The following KLF12 variants were observed in gnomAD, a reference collection of about 807,000 sequenced individuals.
KLF12 encodes the protein Krueppel-like factor 12.
KLF12 carries 9 observed loss-of-function variants against 37.8 expected under a neutral mutation model. The ratio of observed to expected loss-of-function variants is 0.24; its 90% CI spans 0.14 to 0.42. The LOEUF (loss-of-function observed/expected upper bound fraction) is 0.42, where lower values mean the gene tolerates loss of function less well. Among genes scored for constraint, KLF12 ranks in the 10% least tolerant of loss-of-function variants. KLF12 has a pLI of 1.00. For missense variants in KLF12, 411 were observed against 516.0 expected, an observed-to-expected ratio of 0.80 and a Z score of 1.97; for synonymous variants, 208 against 202.1, an observed-to-expected ratio of 1.03 and a Z score of -0.25.
the KLF12 span, among the ~76,000 whole-genome samples, chr13:74,175,232 G>C: frequency 6.6e-6 from 1 of 152,164 alleles, no homozygotes; most frequent in South Asian, 2.1e-4. Flanking sequence ...TGACCCCCAA[G>C]GGAGGCTGCA....
chr13:73,876,986 G>C (rs1168758482), intron 3 of KLF12, among the ~76,000 whole-genome samples: 1 of 151,064 alleles, frequency 6.6e-6, no homozygotes, highest in East Asian at 1.9e-4. Flanking sequence ...CTGCACTCTA[G>C]CCTGGGTGAG....
the KLF12 span, among the ~76,000 whole-genome samples, chr13:74,274,333 A>C: frequency 6.6e-6 from 1 of 152,106 alleles, no homozygotes; most frequent in Non-Finnish European, 1.5e-5. Context: ...CTCTGTCCTC[A>C]TCAACAAGAG....
At chr13:74,055,498 T>C (rs2091376689) in intron 1 of KLF12, among the ~76,000 whole-genome samples, 1 of 152,198 alleles carries the variant, frequency 6.6e-6, no homozygotes, top group Admixed American at 6.5e-5. Context: ...GTAGGTCTGA[T>C]CTCGTATCAC....
chr13:73,898,718 C>T (rs535332228), intron 3 of KLF12, among the ~76,000 whole-genome samples: 30 of 152,148 alleles, frequency 2.0e-4, no homozygotes, highest in South Asian at 6.2e-4. Context: ...AATGACAGTA[C>T]GCCCAAGAAA....
At chr13:74,248,133 C>T in the KLF12 span, among the ~76,000 whole-genome samples, 1 of 152,132 alleles carries the variant, frequency 6.6e-6, no homozygotes, top group Non-Finnish European at 1.5e-5. Flanking sequence ...ATATTGGGGA[C>T]TTTGCAACAG....
chr13:73,825,352 G>A (rs1340839920), intron 4 of KLF12, among the ~76,000 whole-genome samples: 1 of 152,122 alleles, frequency 6.6e-6, no homozygotes, highest in Non-Finnish European at 1.5e-5. Flanking sequence ...CTCCGGAAAT[G>A]ACTCTTGAAG....
chr13:73,858,023 A>G (rs1000760119), intron 3 of KLF12, among the ~76,000 whole-genome samples: 1 of 152,214 alleles, frequency 6.6e-6, no homozygotes, highest in Admixed American at 6.5e-5. Flanking sequence ...ATGGAAAAAA[A>G]TGTTCTGGAA....
chr13:74,052,372 AT>A (rs1872979989), intron 1 of KLF12, among the ~76,000 whole-genome samples: 1 of 152,142 alleles, frequency 6.6e-6, no homozygotes, highest in Non-Finnish European at 1.5e-5. Flanking sequence ...TGAGAATTAC[AT>A]TTTAAAATAA....
At chr13:73,816,811 A>G (rs1241655760) in intron 4 of KLF12, among the ~76,000 whole-genome samples, 1 of 152,218 alleles carries the variant, frequency 6.6e-6, no homozygotes, top group Non-Finnish European at 1.5e-5. Context: ...CAACTTGTGA[A>G]GAAGCCCGGG....
At chr13:74,171,554 T>C in the KLF12 span, among the ~76,000 whole-genome samples, 1 of 152,192 alleles carries the variant, frequency 6.6e-6, no homozygotes, top group Non-Finnish European at 1.5e-5. Flanking sequence ...CACCCGGTTC[T>C]CCCTGCAGCT....
At chr13:73,943,862 GAGAGAGAA>G (rs1398081406) in intron 3 of KLF12, 111 bp downstream of exon 3, 1 of 666,486 alleles carries the variant, frequency 1.5e-6, no homozygotes, top group African/African-American at 1.8e-5. Flanking sequence ...GTTTTAACCT[GAGAGAGAA>G]AAGCTTAAGC....
rs557254751 is a variant in KLF12, at chr13:73,813,864, A to G, written c.671-577T>C. The stretch of plus-strand genomic sequence containing the variant: ...AAGGCATAAAAATGGCAGAAGTGGT[A>G]GCATTTTAGAAATCTTGTTTATATG... On this transcript the variant is annotated intron_variant, in intron 4 of 7. Coordinates refer to ENST00000377669, the MANE Select transcript of KLF12 (RefSeq NM_007249.5). Among the ~76,000 whole-genome samples, 8 of 152,338 alleles carry G rather than the reference A, an allele frequency of 5.3e-5. No individual in the cohort carries two copies. In the South Asian group the frequency reaches 1.0e-3, roughly 20 times the overall value.
At chr13:74,087,659 C>G (rs1339209174) in intron 1 of KLF12, among the ~76,000 whole-genome samples, 2 of 152,188 alleles carry the variant, frequency 1.3e-5, no homozygotes, top group Non-Finnish European at 2.9e-5. Flanking sequence ...GTGTCAGCTT[C>G]TAGCCATATG....
intron 2 of KLF12, among the ~76,000 whole-genome samples, chr13:73,968,229 GA>G (rs1328166140): frequency 6.6e-6 from 1 of 152,090 alleles, no homozygotes; most frequent in East Asian, 1.9e-4. Context: ...TTTGAAATGA[GA>G]AAAATAAGTC....
intron 1 of KLF12, among the ~76,000 whole-genome samples, chr13:74,065,357 T>G (rs1296106801): frequency 6.6e-6 from 1 of 152,148 alleles, no homozygotes; most frequent in Non-Finnish European, 1.5e-5. Context: ...TATTTTAAAG[T>G]GAGAAATTCA....
chr13:73,926,692 A>G (rs1889393778), intron 3 of KLF12, among the ~76,000 whole-genome samples: 1 of 151,564 alleles, frequency 6.6e-6, no homozygotes. Flanking sequence ...TTCAGAACTA[A>G]TCAAACTATA....
rs1320143731 is a variant in KLF12 at position 74,122,976 on chromosome 13, A to AAG, written c.-32+10762_-32+10763insCT. Among the ~76,000 whole-genome samples the AAG allele has an allele frequency of 6.5e-4, 98 of 151,344 alleles. 1 individual carries two copies. The highest frequency in any genetic ancestry group is 2.2e-3 in the African/African-American group (93 of 41,394). On this transcript the variant is annotated intron_variant, in intron 1 of 7. Coordinates refer to ENST00000377669, the MANE Select transcript of KLF12 (RefSeq NM_007249.5). ...ACAGGTCACTAAAAAAAAAAAAAAA[A>AAG]AAAGAATGAATTTAAAAGTTTCCAT... is the stretch of plus-strand genomic sequence containing the variant.
At chr13:74,194,475 G>A in the KLF12 span, among the ~76,000 whole-genome samples, 2 of 152,114 alleles carry the variant, frequency 1.3e-5, no homozygotes, top group East Asian at 1.9e-4. Context: ...TCCTTAGAAG[G>A]GGAGGAACAC....
At chr13:73,832,847 T>C (rs2138592435) in intron 4 of KLF12, among the ~76,000 whole-genome samples, 1 of 152,358 alleles carries the variant, frequency 6.6e-6, no homozygotes, top group Admixed American at 6.5e-5. Context: ...GATTGTACCA[T>C]TATCAGCTTT....
Sources: allele counts gnomAD v4.1 joint callset (sites outside exome capture counted in the v4.1 genomes callset), GRCh38; gene constraint gnomAD v4.1.1; transcripts MANE v1.5; gene names NCBI Gene and HGNC (gene_info 2026-07-23, HGNC 2026-07-21).